NBEAL1: variants seen among roughly 807,000 people sequenced by gnomAD.
The protein encoded by NBEAL1 is neurobeachin-like protein 1.
A neutral mutation model predicts 351.3 loss-of-function variants in NBEAL1; 273 were observed. The ratio of observed to expected loss-of-function variants is 0.78; its 90% confidence interval spans 0.70 to 0.86. NBEAL1 has a LOEUF of 0.86. Ranked by LOEUF, NBEAL1 falls within the 40% of genes least tolerant of loss-of-function variation. The pLI, the probability that NBEAL1 is intolerant of heterozygous loss-of-function variation, is 0.00. For synonymous variants in NBEAL1, 1,050 were observed against 1,086.4 expected, an observed-to-expected ratio of 0.97 and a Z score of 0.66; for missense variants, 2,961 against 3,201.3, an observed-to-expected ratio of 0.92 and a Z score of 1.81.
At chr2:203,192,134 G>C (rs1373563890) in intron 46 of NBEAL1, among the ~76,000 whole-genome samples, 1 of 152,058 alleles carries the variant, frequency 6.6e-6, no homozygotes, top group Non-Finnish European at 1.5e-5. Context: ...CTCCAACATT[G>C]GTTTTTACAG....
At chr2:203,210,935 G>C in intron 53 of NBEAL1, 23 bp from the exon 54 acceptor site, 1 of 1,463,812 alleles carries the variant, frequency 6.8e-7, no homozygotes, top group Non-Finnish European at 9.2e-7. Flanking sequence ...TGAAATTGTT[G>C]AATTTTCCTT....
chr2:203,029,337 T>A (rs2060912695), intron 2 of NBEAL1, among the ~76,000 whole-genome samples: 1 of 152,160 alleles, frequency 6.6e-6, no homozygotes, highest in Non-Finnish European at 1.5e-5. Flanking sequence ...AACTCCAAGA[T>A]AAACACAGAA....
intron 2 of NBEAL1, among the ~76,000 whole-genome samples, chr2:203,031,303 G>T (rs1323334808): frequency 6.6e-6 from 1 of 152,176 alleles, no homozygotes; most frequent in East Asian, 1.9e-4. Flanking sequence ...CTTTTCGTCA[G>T]AAAACATACA....
chr2:203,148,813 A>C (rs1056135177), intron 33 of NBEAL1, among the ~76,000 whole-genome samples, 178 bp from the exon 34 acceptor site: 6 of 151,948 alleles, frequency 3.9e-5, no homozygotes, highest in African/African-American at 1.2e-4. Flanking sequence ...AGGTAAAATT[A>C]TATCACACTT....
chr2:203,082,001 G>A (rs192081632), intron 8 of NBEAL1, among the ~76,000 whole-genome samples: 83 of 152,266 alleles, frequency 5.5e-4, no homozygotes, highest in African/African-American at 1.8e-3. Flanking sequence ...CTACTCAGGA[G>A]GCCAAAGCCT....
chr2:203,127,449 C>T (rs1345332349), intron 23 of NBEAL1, among the ~76,000 whole-genome samples: 4 of 152,136 alleles, frequency 2.6e-5, no homozygotes, highest in African/African-American at 7.2e-5. Context: ...TTAGGCTGGG[C>T]GCGGTGGCTC....
intron 35 of NBEAL1, among the ~76,000 whole-genome samples, chr2:203,153,245 G>A (rs1321824368): frequency 6.6e-6 from 1 of 151,078 alleles, no homozygotes; most frequent in Non-Finnish European, 1.5e-5. Context: ...CGATCCTTCT[G>A]CCTCAGCCTC....
At chr2:203,059,650 G>A (rs1409142683) in intron 6 of NBEAL1, among the ~76,000 whole-genome samples, 2 of 152,194 alleles carry the variant, frequency 1.3e-5, no homozygotes, top group East Asian at 1.9e-4. Flanking sequence ...TGACTAGAAC[G>A]GGTAGAAATA....
intron 55 of NBEAL1, among the ~76,000 whole-genome samples, chr2:203,216,942 T>G (rs2065903762): frequency 6.6e-6 from 1 of 152,164 alleles, no homozygotes; most frequent in African/African-American, 2.4e-5. Context: ...TGGCTGGGAT[T>G]ACAGGCGTGC....
At chr2:203,086,594 G>A (rs1012034584) in intron 10 of NBEAL1, among the ~76,000 whole-genome samples, 2 of 152,134 alleles carry the variant, frequency 1.3e-5, no homozygotes, top group South Asian at 4.1e-4. Flanking sequence ...GAGTGAGGTG[G>A]TATGATCTCA....
chr2:203,055,724 G>A (rs780034132), intron 4 of NBEAL1, among the ~76,000 whole-genome samples: 26 of 152,044 alleles, frequency 1.7e-4, no homozygotes, highest in East Asian at 3.9e-4. Flanking sequence ...ATTAATGAAC[G>A]TTGCTTTTTT....
At chr2:203,035,004 T>C (rs1025007697) in intron 2 of NBEAL1, among the ~76,000 whole-genome samples, 1 of 149,402 alleles carries the variant, frequency 6.7e-6, no homozygotes, top group Admixed American at 6.7e-5. Context: ...GTTTTAAAAC[T>C]TGAGTGAGTA....
intron 29 of NBEAL1, 110 bp from the exon 30 acceptor site, chr2:203,138,052 A>T: frequency 1.1e-6 from 1 of 949,016 alleles, no homozygotes; most frequent in Non-Finnish European, 1.6e-6. Flanking sequence ...TAGAGATAGT[A>T]TATCTTTAGA....
At position 203,119,005 on chromosome 2, in the gene NBEAL1, A is replaced by T. The variant is rs185702064; in HGVS notation, c.2592+2935A>T. Among the ~76,000 whole-genome samples, 688 of 151,684 alleles carry T rather than the reference A, an allele frequency of 4.5e-3. 2 individuals are homozygous for T. Among genetic ancestry groups the T allele is most frequent in the South Asian group, 0.014 (69 of 4,812 alleles). ...TACCATTGAAAGTAAAAAATTCTAT[A>T]CTACCAAAAAAATAGCTATTGTCTT... On this transcript the variant is annotated intron_variant, in intron 18 of 55. Coordinates refer to ENST00000683969, the MANE Select transcript of NBEAL1 (RefSeq NM_001378026.1).
rs139437459 is a variant in NBEAL1 at position 203,132,052 on chromosome 2, C to T, written c.3644C>T (p.Ser1215Leu). ...ATTCGACTCAGAGAAGTTGGCTACT[C>T]GGGACTGGGACTCCTTCTTAATGAA... is the stretch of plus-strand genomic sequence containing the variant. ...QHIRLREVGY[S>L]GLGLLLNEAL... Residue 1215 changes from serine (S) to leucine (L), a missense_variant, in exon 26 of 56, where the codon TCG (serine) becomes TTG (leucine). By Grantham distance (145) the Ser-to-Leu change is moderately radical. Transcript: ENST00000683969. 143 of 1,554,114 alleles carry T rather than the reference C, an allele frequency of 9.2e-5. No homozygotes were observed. The African/African-American group carries it at 1.2e-3, about 13-fold the overall frequency.
chr2:203,118,158 T>C (rs1406066722), intron 18 of NBEAL1, among the ~76,000 whole-genome samples: 1 of 152,236 alleles, frequency 6.6e-6, no homozygotes, highest in Admixed American at 6.5e-5. Flanking sequence ...ACTAATGTTT[T>C]ACTGTACTTG....
intron 2 of NBEAL1, 71 bp from the exon 3 acceptor site, chr2:203,041,693 CT>C: frequency 1.0e-6 from 1 of 956,696 alleles, no homozygotes; most frequent in Non-Finnish European, 1.6e-6. Flanking sequence ...TAGGTATCTG[CT>C]TAATAGGTGT....
At chr2:203,022,152 CTT>C (rs1457955246) in intron 2 of NBEAL1, among the ~76,000 whole-genome samples, 1 of 152,092 alleles carries the variant, frequency 6.6e-6, no homozygotes, top group Non-Finnish European at 1.5e-5. Context: ...CTATTAGACA[CTT>C]AGCCTTTTGG....
intron 2 of NBEAL1, among the ~76,000 whole-genome samples, chr2:203,022,352 A>G (rs1247923234): frequency 6.6e-6 from 1 of 151,296 alleles, no homozygotes; most frequent in Non-Finnish European, 1.5e-5. Context: ...ATTGAAAACC[A>G]TGGTTCATTT....
Sources: gnomAD v4.1 joint callset for allele counts (sites outside exome capture counted in the v4.1 genomes callset) on GRCh38, gnomAD v4.1.1 for gene constraint, MANE v1.5 for transcripts, NCBI Gene and HGNC (gene_info 2026-07-23, HGNC 2026-07-21) for gene names.